CDK2: variants seen among roughly 807,000 people sequenced by gnomAD.
CDK2 encodes the protein cyclin-dependent kinase 2.
A neutral mutation model predicts 35.0 loss-of-function variants in CDK2; 8 were observed. That is an observed-to-expected ratio of 0.23 (90% CI 0.13 to 0.41). The LOEUF (loss-of-function observed/expected upper bound fraction) is 0.41. CDK2 is among the 10% of genes least tolerant of loss of function. The pLI is 1.00. For missense variants in CDK2, 201 were observed against 367.1 expected (o/e 0.55, Z 3.70); for synonymous variants, 134 against 137.7 (o/e 0.97, Z 0.19).
At position 55,966,861 on chromosome 12, in the gene CDK2, G is replaced by T. The variant is rs1214794686; in HGVS notation, c.-148G>T. The T allele has an allele frequency of 1.3e-5, 11 of 849,296 alleles. No homozygotes were observed. The highest frequency in any genetic ancestry group is 1.8e-5 in the South Asian group (1 of 55,894). 52.6% of individuals were successfully genotyped at this position (849,296 alleles called of 1,614,324 possible). A position where few individuals can be genotyped will look rare whatever the true frequency, so the allele number is the denominator to read the frequency against. Reference sequence around the variant, plus strand: ...TCAAGTTGGCCAAATTGACAAGAGCGAGAGGTATACTGCGTTCCATCCCGA... The same window carrying T: ...TCAAGTTGGCCAAATTGACAAGAGCTAGAGGTATACTGCGTTCCATCCCGA... On this transcript the variant is annotated 5_prime_UTR_variant, in exon 1 of 7. Coordinates refer to ENST00000266970, the MANE Select transcript of CDK2 (RefSeq NM_001798.5).
At position 55,968,446 on chromosome 12, in the gene CDK2, T is replaced by C. The variant is rs1889393098; in HGVS notation, c.315+277T>C. 4 of 485,214 alleles carry C rather than the reference T, an allele frequency of 8.2e-6. No homozygotes were observed. The South Asian group carries it at 1.3e-4, about 16-fold the overall frequency. 30.1% of individuals were successfully genotyped at this position (485,214 alleles called of 1,614,324 possible). A position where few individuals can be genotyped will look rare whatever the true frequency, so the allele number is the denominator to read the frequency against. ...ATAAACGGGATTTGAGAGCACTTGG[T>C]AAATTCCTCCAAAAAGCCCTTCCAT... On this transcript the variant is annotated intron_variant, in intron 3 of 6. Transcript: ENST00000266970.
intron 3 of CDK2, 127 bp downstream of exon 3, chr12:55,968,296 CCTT>C: frequency 1.1e-6 from 1 of 912,448 alleles, no homozygotes; most frequent in Non-Finnish European, 1.7e-6. Context: ...CACACACTCC[CCTT>C]CTTTTTGTGT....
At position 55,971,053 on chromosome 12, in the gene CDK2, C is replaced by G. The variant is rs1346497932; in HGVS notation, c.598C>G (p.Arg200Gly). ...CTTTCCCCATTTTCAGGTGACTCGC[C>G]GGGCCCTATTCCCTGGAGATTCTGA... ...GCIFAEMVTR[R>G]ALFPGDSEID... The change falls in exon 6 of 7, where the codon CGG becomes GGG. Residue 200 changes from arginine to glycine, a missense_variant. Physicochemically the swap from Arg to Gly is moderately radical, Grantham distance 125. Coordinates refer to ENST00000266970, the MANE Select transcript of CDK2 (RefSeq NM_001798.5). 1 of 1,614,004 alleles carries G rather than the reference C, an allele frequency of 6.2e-7. No individual in the cohort carries two copies. The highest frequency in any genetic ancestry group is 1.7e-5 in the Admixed American group (1 of 60,012).
intron 6 of CDK2, 29 bp from the exon 7 acceptor site, chr12:55,971,492 T>C (rs1466417309): frequency 3.9e-6 from 6 of 1,529,962 alleles, no homozygotes; most frequent in East Asian, 2.2e-5. Flanking sequence ...TATCACATCA[T>C]TGAAGTCAAC....
Position 55,971,548 on chromosome 12 carries a change from C to T in CDK2, c.820C>T (p.Arg274Trp). The change falls in exon 7 of 7, where the codon CGG (arginine) becomes TGG (tryptophan). Residue 274 changes from arginine to tryptophan, a missense_variant. Arg to Trp is a moderately radical substitution (Grantham distance 101). This residue lies in a region of CDK2 where 106 missense variants were observed against 141.3 expected (regional missense o/e 0.75). Coordinates refer to ENST00000266970, the MANE Select transcript of CDK2 (RefSeq NM_001798.5). ...SQMLHYDPNK[R>W]ISAKAALAHP... ...AATGCTGCACTACGACCCTAACAAG[C>T]GGATTTCGGCCAAGGCAGCCCTGGC... The T allele has an allele frequency of 1.2e-6, 2 of 1,614,008 alleles. No individual in the cohort carries two copies. The highest frequency in any genetic ancestry group is 1.7e-6 in the Non-Finnish European group (2 of 1,179,906).
chr12:55,970,739 C>T (rs751748350), intron 5 of CDK2: 46 of 701,308 alleles, frequency 6.6e-5, no homozygotes, highest in Non-Finnish European at 1.1e-4. Flanking sequence ...TACCCCCTAC[C>T]CCGTGAGTGG....
Position 55,968,817 on chromosome 12 carries a change from C to T in CDK2, c.355C>T (p.His119Tyr). 1 of 1,604,074 alleles carries T rather than the reference C, an allele frequency of 6.2e-7. No homozygotes were observed. The highest frequency in any genetic ancestry group is 8.5e-7 in the Non-Finnish European group (1 of 1,175,836). ...GCTGCTCCAGGGCCTAGCTTTCTGCCATTCTCATCGGGTCCTCCACCGAGA... is the reference window on the plus strand; with the variant it reads ...GCTGCTCCAGGGCCTAGCTTTCTGCTATTCTCATCGGGTCCTCCACCGAGA... ...FQLLQGLAFCHSHRVLHRDLK... is the reference protein window; with the variant it reads ...FQLLQGLAFCYSHRVLHRDLK... Residue 119 changes from histidine (H) to tyrosine (Y), a missense_variant, in exon 4 of 7, where the codon CAT (histidine) becomes TAT (tyrosine). Physicochemically the swap from His to Tyr is moderately conservative, Grantham distance 83. Transcript: ENST00000266970.
chr12:55,971,038 T>A lies in CDK2; in HGVS notation c.589-6T>A. 1 of 1,613,502 alleles carries A rather than the reference T, an allele frequency of 6.2e-7. No homozygotes were observed. Among genetic ancestry groups the A allele is most frequent in the East Asian group, 2.2e-5 (1 of 44,870 alleles). On this transcript the variant is annotated splice_polypyrimidine_tract_variant and splice_region_variant and intron_variant, in intron 5 of 6. Transcript: ENST00000266970. ...GTCTTGGTATTTCCTCTTTCCCCAT[T>A]TTCAGGTGACTCGCCGGGCCCTATT...
chr12:55,968,711 G>T, intron 3 of CDK2, 67 bp from the exon 4 acceptor site: 1 of 1,255,352 alleles, frequency 8.0e-7, no homozygotes, highest in Non-Finnish European at 1.1e-6. Context: ...GAGTTTTAGG[G>T]GCACAGAGCA....
Position 55,971,131 on chromosome 12 carries a change from G to C in CDK2, c.676G>C (p.Val226Leu), listed in dbSNP as rs1477489641. Residue 226 changes from valine (V) to leucine (L), a missense_variant, in exon 6 of 7, where the codon GTG becomes CTG. By Grantham distance (32) the Val-to-Leu change is conservative. This residue lies in a region of CDK2 where 106 missense variants were observed against 141.3 expected (regional missense o/e 0.75). Transcript: ENST00000266970. ...FRTLGTPDEV[V>L]WPGVTSMPDY... The stretch of plus-strand genomic sequence containing the variant: ...GACTCTGGGGACCCCAGATGAGGTG[G>C]TGTGGCCAGGAGTTACTTCTATGCC... 2.5e-6 allele frequency: 4 copies of C among 1,614,166 alleles called. No individual in the cohort carries two copies. The highest frequency in any genetic ancestry group is 2.2e-5 in the East Asian group (1 of 44,882).
At position 55,967,887 on chromosome 12, in the gene CDK2, C is replaced by T; in HGVS notation, c.147C>T (p.Ile49=). 6.2e-7 allele frequency: 1 copy of T among 1,614,090 alleles called. No individual in the cohort carries two copies. The highest frequency in any genetic ancestry group is 8.5e-7 in the Non-Finnish European group (1 of 1,179,984). ...CTGAGGGTGTGCCCAGTACTGCCAT[C>T]CGAGAGATCTCTCTGCTTAAGGAGC... is the stretch of plus-strand genomic sequence containing the variant. The part of the protein sequence containing the change: ...TETEGVPSTA[I]REISLLKELN... The change falls in exon 2 of 7, where the codon ATC becomes ATT. Residue 49 remains isoleucine, a synonymous_variant. Transcript: ENST00000266970.
chr12:55,968,786 G>A lies in CDK2; in HGVS notation c.324G>A (p.Leu108=), dbSNP rs750838305. The change falls in exon 4 of 7, where the codon CTG becomes CTA. Residue 108 remains leucine, a synonymous_variant. Coordinates refer to ENST00000266970, the MANE Select transcript of CDK2 (RefSeq NM_001798.5). ...GIPLPLIKSY[L]FQLLQGLAFC... ...TCTTTCTCCTTTGTCAGAGCTATCT[G>A]TTCCAGCTGCTCCAGGGCCTAGCTT... The A allele has an allele frequency of 3.1e-6, 5 of 1,597,712 alleles. No individual in the cohort carries two copies. The highest frequency in any genetic ancestry group is 4.3e-6 in the Non-Finnish European group (5 of 1,173,338).
chr12:55,970,041 G>C (rs1285030912), intron 5 of CDK2, among the ~76,000 whole-genome samples: 1 of 151,952 alleles, frequency 6.6e-6, no homozygotes, highest in Non-Finnish European at 1.5e-5. Context: ...CAGCACTTTG[G>C]GAGGCTGAGG....
At position 55,971,636 on chromosome 12, in the gene CDK2, G is replaced by GC. The variant is rs1889478890; in HGVS notation, c.*11_*12insC. The GC allele has an allele frequency of 1.3e-6, 2 of 1,583,808 alleles. No individual in the cohort carries two copies. The highest frequency in any genetic ancestry group is 1.1e-5 in the South Asian group (1 of 90,500). The stretch of plus-strand genomic sequence containing the variant: ...CATCTTCGACTCTGATAGCCTTCTT[G>GC]AAGCCCCCAGCCCTAATCTCACCCT... On this transcript the variant is annotated 3_prime_UTR_variant, in exon 7 of 7. Coordinates refer to ENST00000266970, the MANE Select transcript of CDK2 (RefSeq NM_001798.5).
Position 55,966,981 on chromosome 12 carries a change from C to A in CDK2, c.-28C>A, listed in dbSNP as rs376551262. On this transcript the variant is annotated 5_prime_UTR_variant, in exon 1 of 7. Transcript: ENST00000266970. ...GGGTTCCCAGGCCCCCGCTCCAGGGCCGGGCTGACCCGACTCGCTGGCGCT... is the reference window on the plus strand; with the variant it reads ...GGGTTCCCAGGCCCCCGCTCCAGGGACGGGCTGACCCGACTCGCTGGCGCT... The A allele has an allele frequency of 6.4e-7, 1 of 1,566,360 alleles. No homozygotes were observed. The highest frequency in any genetic ancestry group is 1.1e-5 in the South Asian group (1 of 88,074).
chr12:55,966,993 G>A lies in CDK2; in HGVS notation c.-16G>A, dbSNP rs1783888497. 6.3e-7 allele frequency: 1 copy of A among 1,598,010 alleles called. No individual in the cohort carries two copies. The highest frequency in any genetic ancestry group is 8.5e-7 in the Non-Finnish European group (1 of 1,169,684). On this transcript the variant is annotated 5_prime_UTR_variant, in exon 1 of 7. Coordinates refer to ENST00000266970, the MANE Select transcript of CDK2 (RefSeq NM_001798.5). ...CCCCGCTCCAGGGCCGGGCTGACCC[G>A]ACTCGCTGGCGCTTCATGGAGAACT... is the stretch of plus-strand genomic sequence containing the variant.
Position 55,968,876 on chromosome 12 carries a change from G to C in CDK2, c.414G>C (p.Glu138Asp). 1.2e-6 allele frequency: 2 copies of C among 1,611,974 alleles called. No homozygotes were observed. Among genetic ancestry groups the C allele is most frequent in the Non-Finnish European group, 8.5e-7 (1 of 1,179,182 alleles). Reference protein sequence around the residue: ...LKPQNLLINTEGAIKLADFGL... With the variant: ...LKPQNLLINTDGAIKLADFGL... Reference sequence around the variant, plus strand: ...CTCAGAATCTGCTTATTAACACAGAGGGGGCCATCAAGCTAGCAGACTTTG... The same window carrying C: ...CTCAGAATCTGCTTATTAACACAGACGGGGCCATCAAGCTAGCAGACTTTG... Residue 138 changes from glutamate (E) to aspartate (D), a missense_variant, in exon 4 of 7, where the codon GAG (glutamate) becomes GAC (aspartate). By Grantham distance (45) the Glu-to-Asp change is conservative. Coordinates refer to ENST00000266970, the MANE Select transcript of CDK2 (RefSeq NM_001798.5).
intron 5 of CDK2, among the ~76,000 whole-genome samples, chr12:55,970,138 C>T (rs1399554094): frequency 6.6e-6 from 1 of 151,440 alleles, no homozygotes; most frequent in Non-Finnish European, 1.5e-5. Context: ...AAAAATTAGC[C>T]AGGTGTGGCT....
intron 5 of CDK2, 117 bp from the exon 6 acceptor site, chr12:55,970,927 G>A (rs1257020627): frequency 3.5e-6 from 3 of 856,494 alleles, no homozygotes; most frequent in Non-Finnish European, 6.1e-6. Context: ...AAGGCCCTGG[G>A]GAGGGAGTCA....
Sources: gnomAD v4.1 joint callset for allele counts (sites outside exome capture counted in the v4.1 genomes callset) on GRCh38, gnomAD v4.1.1 for gene constraint, gnomAD v4.1.1 regional missense constraint, MANE v1.5 for transcripts, NCBI Gene and HGNC (gene_info 2026-07-23, HGNC 2026-07-21) for gene names.